Variants in MYRIP observed in about 807,000 individuals in gnomAD.
MYRIP encodes the protein rab effector MyRIP.
In MYRIP, 49 loss-of-function variants were observed where a neutral mutation model predicts 98.0. The ratio of observed to expected loss-of-function variants is 0.50; its 90% confidence interval spans 0.40 to 0.63. The LOEUF (loss-of-function observed/expected upper bound fraction) is 0.63. MYRIP is among the 30% of genes least tolerant of loss of function. MYRIP has a pLI of 0.00. For synonymous variants in MYRIP, 404 were observed against 409.5 expected, an observed-to-expected ratio of 0.99 and a Z score of 0.16; for missense variants, 1,004 against 1,058.2, an observed-to-expected ratio of 0.95 and a Z score of 0.71.
intron 1 of MYRIP, among the ~76,000 whole-genome samples, chr3:39,882,557 T>G (rs1227523320): frequency 6.6e-6 from 1 of 152,178 alleles, no homozygotes; most frequent in Non-Finnish European, 1.5e-5. Context: ...TTGAATAATT[T>G]TAACTAGGCT....
intron 13 of MYRIP, among the ~76,000 whole-genome samples, chr3:40,245,266 TA>T (rs1174666737): frequency 1.3e-5 from 2 of 152,218 alleles, no homozygotes; most frequent in Non-Finnish European, 2.9e-5. Flanking sequence ...TTTGACTCTG[TA>T]AAAAATTGAC....
intron 3 of MYRIP, among the ~76,000 whole-genome samples, chr3:40,045,007 A>G (rs1947641066): frequency 6.6e-6 from 1 of 152,154 alleles, no homozygotes; most frequent in South Asian, 2.1e-4. Context: ...GTCTGTGCTG[A>G]TCCTAGCATC....
intron 1 of MYRIP, among the ~76,000 whole-genome samples, chr3:39,819,168 G>A (rs1941024922): frequency 6.6e-6 from 1 of 152,094 alleles, no homozygotes; most frequent in African/African-American, 2.4e-5. Context: ...GACCAACATG[G>A]TGAAACCTCG....
At chr3:39,858,576 A>G (rs1214827493) in intron 1 of MYRIP, among the ~76,000 whole-genome samples, 1 of 152,114 alleles carries the variant, frequency 6.6e-6, no homozygotes, top group African/African-American at 2.4e-5. Flanking sequence ...CATCCAATAG[A>G]AGCAAAATAG....
At chr3:40,220,111 T>G (rs1163508982) in intron 11 of MYRIP, among the ~76,000 whole-genome samples, 1 of 151,978 alleles carries the variant, frequency 6.6e-6, no homozygotes, top group Non-Finnish European at 1.5e-5. Flanking sequence ...TTTCATATGT[T>G]TTTTGGCTGC....
intron 5 of MYRIP, among the ~76,000 whole-genome samples, chr3:40,163,754 G>A (rs1239372359): frequency 1.3e-5 from 2 of 152,044 alleles, no homozygotes; most frequent in Non-Finnish European, 2.9e-5. Flanking sequence ...CTTGCACACA[G>A]TATATCATGG....
chr3:40,130,827 CT>C, intron 3 of MYRIP, among the ~76,000 whole-genome samples: 1 of 152,080 alleles, frequency 6.6e-6, no homozygotes, highest in Non-Finnish European at 1.5e-5. Context: ...CCTAAACTTT[CT>C]GCCTTCCCTC....
At chr3:40,051,499 GTCTA>G (rs1442432755) in intron 3 of MYRIP, among the ~76,000 whole-genome samples, 2 of 152,096 alleles carry the variant, frequency 1.3e-5, no homozygotes, top group Non-Finnish European at 2.9e-5. Context: ...CTACAGTATA[GTCTA>G]TCTAACTTTT....
At chr3:39,832,913 T>C (rs1199695662) in intron 1 of MYRIP, among the ~76,000 whole-genome samples, 2 of 152,222 alleles carry the variant, frequency 1.3e-5, no homozygotes, top group Non-Finnish European at 2.9e-5. Flanking sequence ...AATTCATTAA[T>C]GTGGAAAGCC....
chr3:40,104,539 T>C (rs1415695176), intron 3 of MYRIP, among the ~76,000 whole-genome samples: 1 of 152,234 alleles, frequency 6.6e-6, no homozygotes, highest in Non-Finnish European at 1.5e-5. Context: ...TGGGAACTAC[T>C]GTGATTTTTC....
intron 11 of MYRIP, among the ~76,000 whole-genome samples, chr3:40,218,612 T>TTTTTATATATATATA (rs1337574787): frequency 7.4e-5 from 1 of 13,572 alleles, no homozygotes; most frequent in Non-Finnish European, 2.9e-4. Flanking sequence ...TATATATATT[T>TTTTTATATATATATA]TATATATATA....
intron 11 of MYRIP, among the ~76,000 whole-genome samples, chr3:40,215,791 A>G (rs1203387155): frequency 6.6e-6 from 1 of 152,214 alleles, no homozygotes; most frequent in African/African-American, 2.4e-5. Context: ...ATACTGACTT[A>G]TAACTTCCAA....
At position 40,208,505 on chromosome 3, in the gene MYRIP, G is replaced by A. The variant is rs182480521; in HGVS notation, c.1666-1349G>A. On this transcript the variant is annotated intron_variant, in intron 10 of 16. Coordinates refer to ENST00000302541, the MANE Select transcript of MYRIP (RefSeq NM_015460.4). ...TGTCTTCCTGGAGTTCCCCAAGCCT[G>A]GTAAAGGGTTTACTCACAGAAGGAG... is the stretch of plus-strand genomic sequence containing the variant. Among the ~76,000 whole-genome samples, 19 of 152,244 alleles carry A rather than the reference G, an allele frequency of 1.2e-4. No homozygotes were observed. In the East Asian group the frequency reaches 2.7e-3, roughly 22 times the overall value.
Position 39,819,031 on chromosome 3 carries a change from C to T in MYRIP, c.-31+9115C>T, listed in dbSNP as rs560031522. ...ATATTGCATCATATAAGTGATTGTA[C>T]ATAAATATATCATAAACCTCATATA... is the stretch of plus-strand genomic sequence containing the variant. On this transcript the variant is annotated intron_variant, in intron 1 of 16. Coordinates refer to ENST00000302541, the MANE Select transcript of MYRIP (RefSeq NM_015460.4). Among the ~76,000 whole-genome samples, 9 of 152,212 alleles carry T rather than the reference C, an allele frequency of 5.9e-5. 1 individual carries two copies. In the South Asian group the frequency reaches 1.9e-3, roughly 32 times the overall value.
At chr3:40,073,617 T>C (rs947636304) in intron 3 of MYRIP, among the ~76,000 whole-genome samples, 6 of 152,282 alleles carry the variant, frequency 3.9e-5, no homozygotes, top group Non-Finnish European at 7.3e-5. Flanking sequence ...TCTGTATTTA[T>C]TGCCTCTGCG....
At chr3:40,134,193 C>T (rs1449961559) in intron 3 of MYRIP, among the ~76,000 whole-genome samples, 5 of 152,226 alleles carry the variant, frequency 3.3e-5, no homozygotes, top group Non-Finnish European at 5.9e-5. Context: ...CCCTAATATG[C>T]GCTCTTCCAA....
intron 15 of MYRIP, among the ~76,000 whole-genome samples, chr3:40,250,909 A>G (rs1446577718): frequency 6.6e-6 from 1 of 152,238 alleles, no homozygotes; most frequent in Non-Finnish European, 1.5e-5. Context: ...TCTCTGGCTG[A>G]GAGTTACTTC....
chr3:40,168,359 A>G (rs994106134), intron 7 of MYRIP, among the ~76,000 whole-genome samples: 2 of 152,228 alleles, frequency 1.3e-5, no homozygotes, highest in African/African-American at 4.8e-5. Context: ...AATATATCAT[A>G]GCTTAGCCTA....
chr3:39,992,925 C>A (rs1469410634), intron 2 of MYRIP, among the ~76,000 whole-genome samples: 1 of 152,120 alleles, frequency 6.6e-6, no homozygotes, highest in Non-Finnish European at 1.5e-5. Flanking sequence ...GTCAGGGACC[C>A]CTTCTTGTTC....
Sources: gnomAD v4.1 joint callset for allele counts (sites outside exome capture counted in the v4.1 genomes callset) on GRCh38, gnomAD v4.1.1 for gene constraint, MANE v1.5 for transcripts, NCBI Gene and HGNC (gene_info 2026-07-23, HGNC 2026-07-21) for gene names.